The following PDLIM7 variants were observed in gnomAD, a reference collection of about 807,000 sequenced individuals.
PDLIM7 encodes PDZ and LIM domain 7, also known as PDZ and LIM domain protein 7.
In PDLIM7, 37 loss-of-function variants were observed where a neutral mutation model predicts 53.9. The ratio of observed to expected loss-of-function variants is 0.69; its 90% CI spans 0.53 to 0.90. PDLIM7 has a LOEUF of 0.90. Ranked by LOEUF, PDLIM7 falls within the 40% of genes least tolerant of loss-of-function variation. The pLI, the probability that PDLIM7 is intolerant of heterozygous loss-of-function variation, is 0.00. For missense variants in PDLIM7, 617 were observed against 638.5 expected (o/e 0.97, Z 0.36); for synonymous variants, 300 against 261.3 (o/e 1.15, Z -1.43).
At chr5:177,486,607 G>A (rs565197222) in intron 10 of PDLIM7, among the ~76,000 whole-genome samples, 2 of 152,240 alleles carry the variant, frequency 1.3e-5, no homozygotes, top group African/African-American at 4.8e-5. Context: ...GGCTGGTAGG[G>A]CAGGAGCCCA....
rs573164437 is a variant in PDLIM7 at position 177,490,055 on chromosome 5, G to A, written c.573-223C>T. The A allele has an allele frequency of 1.2e-4, 187 of 1,531,424 alleles. 1 individual carries two copies. The highest frequency in any genetic ancestry group is 3.3e-4 in the Middle Eastern group (2 of 5,984). 94.9% of individuals were successfully genotyped at this position (1,531,424 alleles called of 1,614,324 possible). A position where few individuals can be genotyped will look rare whatever the true frequency, so the allele number is the denominator to read the frequency against. ...AGCTGGGAGACGAGGCAGGGCTCCC[G>A]CTTCTGAGGCAGCTCCTGGGGTTCC... On this transcript the variant is annotated intron_variant, in intron 7 of 12. Transcript: ENST00000355841.
chr5:177,490,527 G>T, intron 7 of PDLIM7: 1 of 1,565,600 alleles, frequency 6.4e-7, no homozygotes. Flanking sequence ...CGTGGGCAGA[G>T]CGCTGGTGGT....
At chr5:177,495,905 C>T (rs1759047098) in intron 2 of PDLIM7, among the ~76,000 whole-genome samples, 1 of 151,968 alleles carries the variant, frequency 6.6e-6, no homozygotes, top group South Asian at 2.1e-4. Context: ...AAAAAATGTA[C>T]GCCATGCTGT....
intron 2 of PDLIM7, among the ~76,000 whole-genome samples, chr5:177,493,429 G>C (rs1758905667): frequency 6.6e-6 from 1 of 152,222 alleles, no homozygotes; most frequent in African/African-American, 2.4e-5. Context: ...GAGACAGTAG[G>C]CTGGGAGAAA....
chr5:177,494,108 A>G (rs1429138985), intron 2 of PDLIM7, among the ~76,000 whole-genome samples: 1 of 152,236 alleles, frequency 6.6e-6, no homozygotes, highest in African/African-American at 2.4e-5. Flanking sequence ...AGCACCAACT[A>G]TGCTACATAT....
intron 7 of PDLIM7, chr5:177,490,451 A>G: frequency 6.5e-7 from 1 of 1,537,182 alleles, no homozygotes; most frequent in Non-Finnish European, 8.7e-7. Context: ...GGCAGGAGGA[A>G]CAGAAAGAGG....
Position 177,484,176 on chromosome 5 carries a change from G to A in PDLIM7, c.1065C>T (p.Ala355=), listed in dbSNP as rs1464398624. ...KKKITGEIMH[A]LKMTWHVHCF... is the part of the protein sequence containing the mutation. ...AGTGCACGTGCCAGGTCATCTTCAG[G>A]GCGTGCATGATCTCCTGGAAGGAGG... Residue 355 remains alanine, a synonymous_variant, in exon 11 of 13, where the codon GCC becomes GCT. Transcript: ENST00000355841. 2 of 1,613,474 alleles carry A rather than the reference G, an allele frequency of 1.2e-6. No homozygotes were observed. The highest frequency in any genetic ancestry group is 3.3e-5 in the Admixed American group (2 of 59,984).
rs1351332502 is a variant in PDLIM7, at chr5:177,492,638, C to G, written c.136G>C (p.Val46Leu). Residue 46 changes from valine (V) to leucine (L), a missense_variant, in exon 3 of 13, where the codon GTG becomes CTG. Coordinates refer to ENST00000355841, the MANE Select transcript of PDLIM7 (RefSeq NM_005451.5). ...GGKAAQAGVA[V>L]GDWVLSIDGE... The stretch of plus-strand genomic sequence containing the variant: ...TCGATGCTCAGCACCCAGTCACCCA[C>G]GGCCACTCCGGCCTGCGCCGCTTTG... 1 of 1,608,670 alleles carries G rather than the reference C, an allele frequency of 6.2e-7. No homozygotes were observed. Among genetic ancestry groups the G allele is most frequent in the African/African-American group, 1.3e-5 (1 of 74,938 alleles).
chr5:177,491,296 G>A, intron 5 of PDLIM7, 150 bp from the exon 6 acceptor site: 1 of 1,449,390 alleles, frequency 6.9e-7, no homozygotes, highest in Non-Finnish European at 9.5e-7. Context: ...GGGTAGGTGA[G>A]AGGACAGGAG....
intron 2 of PDLIM7, among the ~76,000 whole-genome samples, chr5:177,495,298 C>T (rs1203566762): frequency 2.6e-5 from 4 of 152,166 alleles, no homozygotes; most frequent in Non-Finnish European, 2.9e-5. Context: ...CCACGCCCAG[C>T]TCCTACAGAC....
At chr5:177,491,370 G>GAAGA in intron 5 of PDLIM7, 7 of 1,552,066 alleles carry the variant, frequency 4.5e-6, no homozygotes, top group Non-Finnish European at 4.4e-6. Flanking sequence ...CCAAAAGGAA[G>GAAGA]AAGAAAGGCA....
In PDLIM7 at chr5:177,490,889, C is replaced by T. The variant is rs748951607; in HGVS notation, c.553G>A (p.Glu185Lys). 3.1e-6 allele frequency: 5 copies of T among 1,613,960 alleles called. No homozygotes were observed. The highest frequency in any genetic ancestry group is 2.2e-5 in the East Asian group (1 of 44,848). The change falls in exon 7 of 13, where the codon GAG (glutamate) becomes AAG (lysine). Residue 185 changes from glutamate to lysine, a missense_variant. Coordinates refer to ENST00000355841, the MANE Select transcript of PDLIM7 (RefSeq NM_005451.5). ...CTGTACCTTGATTTCTTCAGGTGCT[C>T]CTCATCCGGGTCTTGCACTGAGAGG... ...GTEFMQDPDE[E>K]HLKKSSQVPR...
chr5:177,487,171 G>T (rs144098574), intron 10 of PDLIM7, among the ~76,000 whole-genome samples: 116 of 152,176 alleles, frequency 7.6e-4, no homozygotes, highest in African/African-American at 2.6e-3. Flanking sequence ...GACCTCAGGT[G>T]ATCTGCCCAC....
chr5:177,488,341 T>C, intron 9 of PDLIM7, 93 bp from the exon 10 acceptor site: 1 of 1,035,450 alleles, frequency 9.7e-7, no homozygotes. Context: ...CCAGGAGGCC[T>C]TGGGAGGGAC....
rs761037240 is a variant in PDLIM7 at position 177,483,857 on chromosome 5, G to A, written c.1287+10C>T. The A allele has an allele frequency of 2.0e-5, 33 of 1,611,322 alleles. No individual in the cohort carries two copies. The highest frequency in any genetic ancestry group is 2.6e-5 in the Non-Finnish European group (31 of 1,178,288). On this transcript the variant is annotated intron_variant, in intron 12 of 12. Transcript: ENST00000355841. Reference sequence around the variant, plus strand: ...GGCTTGGGGCTCAGTTCGAGGGGCGGGGCTCTCACCGCACAGACGAAGCAG... The same window carrying A: ...GGCTTGGGGCTCAGTTCGAGGGGCGAGGCTCTCACCGCACAGACGAAGCAG...
At chr5:177,492,357 TC>T (rs1758839301) in intron 4 of PDLIM7, 47 bp downstream of exon 4, 1 of 1,605,810 alleles carries the variant, frequency 6.2e-7, no homozygotes, top group South Asian at 1.1e-5. Context: ...GGCCTGGCCG[TC>T]CAAGCCCACA....
chr5:177,486,638 C>CTT (rs1291828292), intron 10 of PDLIM7, among the ~76,000 whole-genome samples: 1 of 152,070 alleles, frequency 6.6e-6, no homozygotes, highest in Non-Finnish European at 1.5e-5. Flanking sequence ...GCAGATTTCT[C>CTT]TTTCTTTTTT....
At chr5:177,495,956 C>T (rs1427869195) in intron 2 of PDLIM7, among the ~76,000 whole-genome samples, 5 of 152,018 alleles carry the variant, frequency 3.3e-5, no homozygotes, top group Non-Finnish European at 7.4e-5. Context: ...ACTCGATGAG[C>T]GAGCCCCGCC....
At chr5:177,490,614 G>A (rs1581758658) in intron 7 of PDLIM7, 10 of 1,522,884 alleles carry the variant, frequency 6.6e-6, no homozygotes, top group East Asian at 2.5e-5. Context: ...GAGAGAGAGG[G>A]AGGAAGAAGT....
Sources: allele counts gnomAD v4.1 joint callset (sites outside exome capture counted in the v4.1 genomes callset), GRCh38; gene constraint gnomAD v4.1.1; transcripts MANE v1.5; gene names NCBI Gene and HGNC (gene_info 2026-07-23, HGNC 2026-07-21).